Variants in MYO1D observed in about 807,000 individuals in gnomAD.
MYO1D encodes the protein unconventional myosin-Id.
In MYO1D, 83 loss-of-function variants were observed where a neutral mutation model predicts 122.0. The observed-to-expected ratio is 0.68, with a 90% CI of 0.57 to 0.82. The LOEUF is 0.82. Among genes scored for constraint, MYO1D ranks in the 40% least tolerant of loss-of-function variants. The pLI, the probability that MYO1D is intolerant of heterozygous loss-of-function variation, is 0.00. For synonymous variants in MYO1D, 464 were observed against 446.9 expected, an observed-to-expected ratio of 1.04 and a Z score of -0.48; for missense variants, 1,157 against 1,269.5, an observed-to-expected ratio of 0.91 and a Z score of 1.35.
At chr17:32,568,723 C>T (rs141648514) in intron 21 of MYO1D, among the ~76,000 whole-genome samples, 49 of 152,312 alleles carry the variant, frequency 3.2e-4, no homozygotes, top group African/African-American at 1.1e-3. Flanking sequence ...CTGACTCTTC[C>T]CCACCCAGAT....
chr17:32,557,875 C>T (rs930172474), intron 21 of MYO1D, among the ~76,000 whole-genome samples: 73 of 151,960 alleles, frequency 4.8e-4, no homozygotes, highest in Non-Finnish European at 3.7e-4. Flanking sequence ...AACACAGCCA[C>T]GCTCATTCAT....
At chr17:32,667,755 A>C (rs944668846) in intron 16 of MYO1D, among the ~76,000 whole-genome samples, 1 of 152,162 alleles carries the variant, frequency 6.6e-6, no homozygotes, top group Non-Finnish European at 1.5e-5. Context: ...TGACCCATGA[A>C]CCTTCGTTTA....
At chr17:32,645,386 G>C (rs1213078805) in intron 19 of MYO1D, among the ~76,000 whole-genome samples, 37 of 152,222 alleles carry the variant, frequency 2.4e-4, no homozygotes, top group Non-Finnish European at 2.9e-5. Flanking sequence ...GTGTCTTGGA[G>C]TTGCTCTTCT....
At chr17:32,708,890 A>C (rs761661548) in intron 16 of MYO1D, among the ~76,000 whole-genome samples, 3 of 152,200 alleles carry the variant, frequency 2.0e-5, no homozygotes. Context: ...ACCAGAAAAA[A>C]AGCAGAGGTA....
chr17:32,579,585 G>A (rs1249451469), intron 21 of MYO1D, among the ~76,000 whole-genome samples: 2 of 152,116 alleles, frequency 1.3e-5, no homozygotes, highest in Non-Finnish European at 2.9e-5. Context: ...TTATACCTGT[G>A]AAACCATCAC....
rs182095154 is a variant in MYO1D, at chr17:32,703,135, C to G, written c.2121+8853G>C. On this transcript the variant is annotated intron_variant, in intron 16 of 21. Transcript: ENST00000318217. ...CTTAACTACACTGGAAGAGCTGTTT[C>G]CATTCCTAGAGCTACAATCAAAGCT... Among the ~76,000 whole-genome samples, 30 of 152,256 alleles carry G rather than the reference C, an allele frequency of 2.0e-4. No individual in the cohort carries two copies. The East Asian group carries it at 5.2e-3, about 26-fold the overall frequency.
chr17:32,554,216 C>T, intron 21 of MYO1D, among the ~76,000 whole-genome samples: 1 of 152,118 alleles, frequency 6.6e-6, no homozygotes. Context: ...CCTGCCCCTG[C>T]CCCTACCTGA....
At chr17:32,526,649 C>T (rs1225579954) in intron 21 of MYO1D, among the ~76,000 whole-genome samples, 3 of 147,880 alleles carry the variant, frequency 2.0e-5, no homozygotes, top group African/African-American at 7.5e-5. Context: ...CCCCTATTTT[C>T]AAGGTATAGT....
Position 32,771,799 on chromosome 17 carries a change from T to C in MYO1D, c.619-579A>G, listed in dbSNP as rs891815536. 3.3e-5 allele frequency among the ~76,000 whole-genome samples: 5 copies of C among 152,364 alleles called. No homozygotes were observed. The East Asian group carries it at 7.7e-4, about 23-fold the overall frequency. ...AACACTGGGAAAAAGTTACAGGTTA[T>C]TGAAATAAACAGAACTCTTTTATAT... On this transcript the variant is annotated intron_variant, in intron 5 of 21. Transcript: ENST00000318217.
intron 1 of MYO1D, among the ~76,000 whole-genome samples, chr17:32,810,160 C>T (rs1315203605): frequency 6.6e-6 from 1 of 151,936 alleles, no homozygotes; most frequent in Admixed American, 6.6e-5. Flanking sequence ...GAGCCAGGAA[C>T]CAATGTGACA....
In MYO1D at chr17:32,650,195, G is replaced by C. The variant is rs536581226; in HGVS notation, c.2595+3648C>G. On this transcript the variant is annotated intron_variant, in intron 19 of 21. Coordinates refer to ENST00000318217, the MANE Select transcript of MYO1D (RefSeq NM_015194.3). The stretch of plus-strand genomic sequence containing the variant: ...TGGTTTTTGAAAGATATATTTGCTG[G>C]GTATAGAATTCTAAGTTGTTGTTGT... Among the ~76,000 whole-genome samples, 3 of 152,128 alleles carry C rather than the reference G, an allele frequency of 2.0e-5. No individual in the cohort carries two copies. In the South Asian group the frequency reaches 6.2e-4, roughly 32 times the overall value.
At chr17:32,723,928 T>C (rs2089541519) in intron 14 of MYO1D, among the ~76,000 whole-genome samples, 1 of 152,192 alleles carries the variant, frequency 6.6e-6, no homozygotes, top group Non-Finnish European at 1.5e-5. Context: ...TCATTAGATA[T>C]TAAATTTTGG....
chr17:32,655,181 C>T (rs1475396349), intron 17 of MYO1D, among the ~76,000 whole-genome samples: 1 of 152,156 alleles, frequency 6.6e-6, no homozygotes, highest in Non-Finnish European at 1.5e-5. Context: ...TACATGGGCT[C>T]TCATAATATT....
intron 1 of MYO1D, among the ~76,000 whole-genome samples, chr17:32,837,002 C>T (rs1320426555): frequency 6.6e-6 from 1 of 152,054 alleles, no homozygotes; most frequent in African/African-American, 2.4e-5. Context: ...ACATGTTTCC[C>T]AGCAATGTGT....
chr17:32,721,105 C>T lies in MYO1D; in HGVS notation c.1831G>A (p.Glu611Lys), dbSNP rs2089505029. The change falls in exon 15 of 22, where the codon GAA becomes AAA. Residue 611 changes from glutamate to lysine, a missense_variant. Glu to Lys is a moderately conservative substitution (Grantham distance 56, BLOSUM62 1). Coordinates refer to ENST00000318217, the MANE Select transcript of MYO1D (RefSeq NM_015194.3). ...ACATTTTCCAGTAGTCCAAGATATT[C>T]TACTTGGTGCCGGCAGCGTTCATCA... ...FDDERCRHQV[E>K]YLGLLENVRV... The T allele has an allele frequency of 6.2e-7, 1 of 1,614,098 alleles. No individual in the cohort carries two copies. The highest frequency in any genetic ancestry group is 1.3e-5 in the African/African-American group (1 of 75,048).
intron 21 of MYO1D, among the ~76,000 whole-genome samples, chr17:32,547,817 G>A (rs2086977138): frequency 6.6e-6 from 1 of 152,082 alleles, no homozygotes; most frequent in Non-Finnish European, 1.5e-5. Flanking sequence ...GGGCGTGGTG[G>A]TGCATGCCTG....
chr17:32,830,934 C>T (rs927526926), intron 1 of MYO1D, among the ~76,000 whole-genome samples: 2 of 151,624 alleles, frequency 1.3e-5, no homozygotes, highest in Non-Finnish European at 2.9e-5. Context: ...CACGCACCTA[C>T]AGTCCCAGCT....
At chr17:32,693,550 ATTTCT>A (rs1339308647) in intron 16 of MYO1D, among the ~76,000 whole-genome samples, 1 of 152,178 alleles carries the variant, frequency 6.6e-6, no homozygotes, top group African/African-American at 2.4e-5. Context: ...AGGCGAACAG[ATTTCT>A]TTTAAGTAAA....
intron 1 of MYO1D, among the ~76,000 whole-genome samples, chr17:32,871,157 TCAG>T (rs1210932721): frequency 6.6e-6 from 1 of 152,222 alleles, no homozygotes; most frequent in African/African-American, 2.4e-5. Flanking sequence ...CCAGTGGCTC[TCAG>T]CTAGGGATAA....
Sources: gnomAD v4.1 joint callset for allele counts (sites outside exome capture counted in the v4.1 genomes callset) on GRCh38, gnomAD v4.1.1 for gene constraint, MANE v1.5 for transcripts, NCBI Gene and HGNC (gene_info 2026-07-23, HGNC 2026-07-21) for gene names.